CASD1: variants seen among roughly 807,000 people sequenced by gnomAD.
The protein encoded by CASD1 is N-acetylneuraminate (7)9-O-acetyltransferase.
A neutral mutation model predicts 100.0 loss-of-function variants in CASD1; 41 were observed. That is an observed-to-expected ratio of 0.41 (90% CI 0.32 to 0.53). CASD1 has a LOEUF of 0.53. Ranked by LOEUF, CASD1 falls within the 20% of genes least tolerant of loss-of-function variation. The probability of loss-of-function intolerance (pLI) is 0.25; values close to 1 mark genes in which losing one functional copy is unlikely to be tolerated. For missense variants in CASD1, 774 were observed against 948.7 expected (o/e 0.82, Z 2.42); for synonymous variants, 321 against 315.6 (o/e 1.02, Z -0.18).
the CASD1 span, chr7:94,600,638 G>T: frequency 6.3e-7 from 1 of 1,599,824 alleles, no homozygotes; most frequent in Non-Finnish European, 8.6e-7. Flanking sequence ...TAGTTTTAAA[G>T]TACTCACACG....
chr7:94,630,815 A>G, the CASD1 span, among the ~76,000 whole-genome samples: 3 of 151,948 alleles, frequency 2.0e-5, no homozygotes, highest in Non-Finnish European at 4.4e-5. Flanking sequence ...ATTTGTAAAT[A>G]TGGTAATTAA....
the CASD1 span, among the ~76,000 whole-genome samples, chr7:94,580,850 C>T: frequency 6.6e-6 from 1 of 152,172 alleles, no homozygotes; most frequent in Non-Finnish European, 1.5e-5. Context: ...TTTTCTGTTG[C>T]AGTTTGAATT....
chr7:94,518,449 T>G, intron 3 of CASD1, 126 bp downstream of exon 3: 1 of 760,840 alleles, frequency 1.3e-6, no homozygotes. Context: ...TTCAGAAAGG[T>G]TGGGGAAAAA....
chr7:94,574,250 G>T, the CASD1 span, among the ~76,000 whole-genome samples: 575 of 152,274 alleles, frequency 3.8e-3, 5 homozygotes, highest in African/African-American at 0.013. Context: ...CATAGAATGA[G>T]TTGAGGAGGA....
chr7:94,598,685 C>CA, the CASD1 span: 1 of 954,452 alleles, frequency 1.0e-6, no homozygotes, highest in Non-Finnish European at 1.7e-6. Flanking sequence ...TATAAACAAA[C>CA]AAACACAACA....
the CASD1 span, chr7:94,622,527 G>A: frequency 6.6e-6 from 1 of 151,964 alleles, no homozygotes; most frequent in African/African-American, 2.4e-5. Context: ...TACTCGGGAG[G>A]CTGAGGCAGG....
chr7:94,525,463 A>G (rs1794516084), intron 3 of CASD1, among the ~76,000 whole-genome samples: 1 of 152,118 alleles, frequency 6.6e-6, no homozygotes, highest in Non-Finnish European at 1.5e-5. Context: ...TGGATTCATG[A>G]GTGTTGATTT....
the CASD1 span, chr7:94,628,478 A>G: frequency 5.3e-6 from 4 of 752,930 alleles, no homozygotes; most frequent in Middle Eastern, 3.7e-4. Flanking sequence ...CCAACTAAAT[A>G]CACACATACA....
the CASD1 span, chr7:94,628,280 G>A: frequency 6.2e-7 from 1 of 1,611,056 alleles, no homozygotes; most frequent in Non-Finnish European, 8.5e-7. Flanking sequence ...GTGTCCTTTG[G>A]ATATATCGAA....
chr7:94,577,163 T>C, the CASD1 span, among the ~76,000 whole-genome samples: 1 of 152,202 alleles, frequency 6.6e-6, no homozygotes, highest in African/African-American at 2.4e-5. Flanking sequence ...CAGTTTCTAT[T>C]CATTGATTTA....
chr7:94,614,396 A>G, the CASD1 span, among the ~76,000 whole-genome samples: 2 of 152,162 alleles, frequency 1.3e-5, no homozygotes, highest in Non-Finnish European at 2.9e-5. Context: ...AGTATCAACC[A>G]TTTCCTGCAC....
intron 3 of CASD1, chr7:94,524,223 A>G (rs977588098): frequency 2.6e-5 from 4 of 152,142 alleles, no homozygotes; most frequent in Admixed American, 6.5e-5. Context: ...AAGAGTATCT[A>G]TTCACCAAAA....
chr7:94,591,303 G>A, the CASD1 span, among the ~76,000 whole-genome samples: 1 of 152,116 alleles, frequency 6.6e-6, no homozygotes, highest in African/African-American at 2.4e-5. Context: ...GGGAGGATGT[G>A]TTTTATTTTA....
chr7:94,606,776 G>T, the CASD1 span, among the ~76,000 whole-genome samples: 4 of 152,102 alleles, frequency 2.6e-5, no homozygotes, highest in Admixed American at 6.5e-5. Flanking sequence ...CTCAGACCCC[G>T]GTAGAATTAA....
the CASD1 span, among the ~76,000 whole-genome samples, chr7:94,572,234 C>A: frequency 1.3e-5 from 2 of 152,138 alleles, no homozygotes; most frequent in Non-Finnish European, 2.9e-5. Context: ...CCATGCCTGG[C>A]TAATAATTTT....
At chr7:94,536,918 C>T (rs1479939415) in intron 8 of CASD1, among the ~76,000 whole-genome samples, 1 of 152,044 alleles carries the variant, frequency 6.6e-6, no homozygotes, top group Admixed American at 6.6e-5. Flanking sequence ...AAACTGTAAT[C>T]CAAATGAAAG....
downstream of CASD1, among the ~76,000 whole-genome samples, chr7:94,561,615 TAA>T: frequency 6.6e-6 from 1 of 152,048 alleles, no homozygotes; most frequent in East Asian, 1.9e-4. Context: ...TTTTTTTTCC[TAA>T]AGAGAACCTC....
the CASD1 span, chr7:94,628,516 C>A: frequency 1.7e-6 from 1 of 589,354 alleles, no homozygotes; most frequent in Admixed American, 3.1e-5. Context: ...TAAATTAGGG[C>A]ACCACGTTAA....
intron 14 of CASD1, among the ~76,000 whole-genome samples, chr7:94,550,531 C>T (rs1464262891): frequency 6.6e-6 from 1 of 152,048 alleles, no homozygotes; most frequent in Non-Finnish European, 1.5e-5. Context: ...TTATAAACAA[C>T]AAAAATTTAT....
Sources: gnomAD v4.1 joint callset for allele counts (sites outside exome capture counted in the v4.1 genomes callset) on GRCh38, gnomAD v4.1.1 for gene constraint, MANE v1.5 for transcripts, NCBI Gene and HGNC (gene_info 2026-07-23, HGNC 2026-07-21) for gene names.